Variants in CACNA1B observed in about 807,000 individuals in gnomAD.
The protein encoded by CACNA1B is voltage-dependent N-type calcium channel subunit alpha-1B.
In CACNA1B, 70 loss-of-function variants were observed where a neutral mutation model predicts 247.2. The ratio of observed to expected loss-of-function variants is 0.28; its 90% CI spans 0.23 to 0.35. CACNA1B has a LOEUF of 0.35. CACNA1B is among the 10% of genes least tolerant of loss of function. CACNA1B has a pLI of 1.00. For synonymous variants in CACNA1B, 1,231 were observed against 1,294.4 expected (o/e 0.95, Z 1.05); for missense variants, 2,367 against 3,197.4 (o/e 0.74, Z 6.26).
intron 36 of CACNA1B, among the ~76,000 whole-genome samples, chr9:138,087,215 G>T (rs1448499653): frequency 6.7e-6 from 1 of 149,304 alleles, no homozygotes; most frequent in Admixed American, 6.6e-5. Flanking sequence ...GTGAAACCCT[G>T]TCTCTACTTA....
At chr9:138,045,600 C>T (rs531109551) in intron 21 of CACNA1B, among the ~76,000 whole-genome samples, 4 of 152,246 alleles carry the variant, frequency 2.6e-5, no homozygotes, top group African/African-American at 4.8e-5. Context: ...GCTGGGGTCC[C>T]GCCTGCAGAC....
rs1302462743 is a variant in CACNA1B, at chr9:137,950,573, G to T, written c.967-1701G>T. On this transcript the variant is annotated intron_variant, in intron 6 of 46. Coordinates refer to ENST00000371372, the MANE Select transcript of CACNA1B (RefSeq NM_000718.4). The surrounding 1 kb of genome is among the most constrained non-coding windows in gnomAD (Gnocchi z 4.8). ...TGCTCCTCTGGGTCTTTGCTGGAAG[G>T]GAGGGATGGAGATGGAGCCAGCGTT... Among the ~76,000 whole-genome samples, 2 of 152,284 alleles carry T rather than the reference G, an allele frequency of 1.3e-5. No homozygotes were observed. Among genetic ancestry groups the T allele is most frequent in the African/African-American group, 4.8e-5 (2 of 41,556 alleles).
intron 18 of CACNA1B, among the ~76,000 whole-genome samples, chr9:138,022,661 G>A (rs1157142995): frequency 1.3e-5 from 2 of 152,096 alleles, no homozygotes; most frequent in Non-Finnish European, 2.9e-5. Flanking sequence ...TCCCTCCCGC[G>A]GTGGCCTTCC....
Position 138,054,963 on chromosome 9 carries a change from G to A in CACNA1B, c.3968+957G>A, listed in dbSNP as rs906247168. Among the ~76,000 whole-genome samples the A allele has an allele frequency of 3.9e-5, 6 of 152,106 alleles. No homozygotes were observed. The highest frequency in any genetic ancestry group is 8.8e-5 in the Non-Finnish European group (6 of 68,014). On this transcript the variant is annotated intron_variant, in intron 26 of 46. Coordinates refer to ENST00000371372, the MANE Select transcript of CACNA1B (RefSeq NM_000718.4). The surrounding 1 kb of genome is among the most constrained non-coding windows in gnomAD (Gnocchi z 4.6). ...TCTGGAAGTGTCTGCCTGTGGTCCT[G>A]TGTCTGCTGTCTGCCTCTTTCCTGT... is the stretch of plus-strand genomic sequence containing the variant.
intron 20 of CACNA1B, among the ~76,000 whole-genome samples, chr9:138,037,663 A>C (rs1329652039): frequency 1.3e-5 from 2 of 151,510 alleles, no homozygotes; most frequent in East Asian, 3.9e-4. Flanking sequence ...TGTCTCAAAA[A>C]AAACAAACAA....
chr9:138,000,371 T>A (rs532794213), intron 15 of CACNA1B, among the ~76,000 whole-genome samples: 1 of 152,216 alleles, frequency 6.6e-6, no homozygotes, highest in African/African-American at 2.4e-5. Context: ...GTGCTGGGAT[T>A]ACAGACATGA....
chr9:138,074,489 C>T (rs1268306975), intron 34 of CACNA1B, among the ~76,000 whole-genome samples: 3 of 152,222 alleles, frequency 2.0e-5, no homozygotes, highest in Non-Finnish European at 4.4e-5. Flanking sequence ...GATCCACCTG[C>T]CTTGGCCTCC....
chr9:138,005,382 T>C (rs1185909051), intron 15 of CACNA1B, among the ~76,000 whole-genome samples: 1 of 152,208 alleles, frequency 6.6e-6, no homozygotes, highest in Non-Finnish European at 1.5e-5. Context: ...AAACTTCACA[T>C]GTTCTCACTC....
At chr9:138,078,748 G>A (rs935885953) in intron 36 of CACNA1B, among the ~76,000 whole-genome samples, 2 of 152,222 alleles carry the variant, frequency 1.3e-5, no homozygotes, top group African/African-American at 2.4e-5. Context: ...GCTGCAGAGC[G>A]AGTGAGGAGA....
In CACNA1B at chr9:137,957,550, C is replaced by T. The variant is rs201338843; in HGVS notation, c.1244-48C>T. 1.4e-6 allele frequency: 2 copies of T among 1,444,860 alleles called. No individual in the cohort carries two copies. Among genetic ancestry groups the T allele is most frequent in the South Asian group, 1.3e-5 (1 of 76,770 alleles). The allele number at this position is 1,444,860 out of a possible 1,614,324, so 89.5% of individuals were successfully genotyped here. On this transcript the variant is annotated intron_variant, in intron 9 of 46. Coordinates refer to ENST00000371372, the MANE Select transcript of CACNA1B (RefSeq NM_000718.4). The surrounding 1 kb of genome is among the most constrained non-coding windows in gnomAD (Gnocchi z 4.7). Reference sequence around the variant, plus strand: ...CCCATGCCCCGCTGAGGCAGGTGGCCTGAGGGCTGCAGCTCAGGCAGTCTC... The same window carrying T: ...CCCATGCCCCGCTGAGGCAGGTGGCTTGAGGGCTGCAGCTCAGGCAGTCTC...
At chr9:137,884,863 C>T (rs1217919325) in intron 3 of CACNA1B, among the ~76,000 whole-genome samples, 1 of 149,926 alleles carries the variant, frequency 6.7e-6, no homozygotes, top group African/African-American at 2.5e-5. Context: ...AGGGCTGCTC[C>T]TCCTTCCCCT....
chr9:138,002,173 A>G (rs1958584894), intron 15 of CACNA1B, among the ~76,000 whole-genome samples: 1 of 152,240 alleles, frequency 6.6e-6, no homozygotes, highest in Non-Finnish European at 1.5e-5. Flanking sequence ...AAAATGAAAT[A>G]TCAAAAGAAC....
chr9:138,074,271 G>A (rs1290871192), intron 34 of CACNA1B, among the ~76,000 whole-genome samples: 2 of 149,792 alleles, frequency 1.3e-5, no homozygotes, highest in African/African-American at 4.9e-5. Context: ...GACAGAGTCT[G>A]GCTTTGTCAC....
Position 138,120,265 on chromosome 9 carries a change from C to G in CACNA1B, c.6131C>G (p.Pro2044Arg). The G allele has an allele frequency of 1.3e-6, 2 of 1,597,508 alleles. No individual in the cohort carries two copies. Among genetic ancestry groups the G allele is most frequent in the Non-Finnish European group, 1.7e-6 (2 of 1,173,604 alleles). ...AGCACCACCCCGGACCGCCCACCCC[C>G]TAGCCAGGCGTCGTCGCACCACCAC... Reference protein sequence around the residue: ...LCSTTPDRPPPSQASSHHHHH... With the variant: ...LCSTTPDRPPRSQASSHHHHH... Residue 2044 changes from proline (P) to arginine (R), a missense_variant, in exon 45 of 47, where the codon CCT becomes CGT. Pro to Arg is a moderately radical substitution (Grantham distance 103). Around this residue, in one of 12 missense-constraint regions of CACNA1B, gnomAD observed 773 missense variants for 779.4 expected, o/e 0.99. Coordinates refer to ENST00000371372, the MANE Select transcript of CACNA1B (RefSeq NM_000718.4).
At chr9:138,000,101 CTTTT>C (rs11317689) in intron 15 of CACNA1B, among the ~76,000 whole-genome samples, 1 of 137,802 alleles carries the variant, frequency 7.3e-6, no homozygotes. Context: ...ATGAAACATG[CTTTT>C]TTTTTTTTTT....
In CACNA1B at chr9:137,988,029, A is replaced by C. The variant is rs113070752; in HGVS notation, c.1974+1175A>C. 9.2e-3 allele frequency among the ~76,000 whole-genome samples: 1,395 copies of C among 152,290 alleles called. 8 individuals are homozygous for C. Among genetic ancestry groups the C allele is most frequent in the South Asian group, 0.012 (60 of 4,812 alleles). On this transcript the variant is annotated intron_variant, in intron 15 of 46. Transcript: ENST00000371372. Reference sequence around the variant, plus strand: ...ATTCCTCGAGTGGGAGGCACTTGTCAGCCTCCGACTGTCCTCCCTTTCTCT... The same window carrying C: ...ATTCCTCGAGTGGGAGGCACTTGTCCGCCTCCGACTGTCCTCCCTTTCTCT...
chr9:137,987,185 T>A (rs1958374309), intron 15 of CACNA1B, among the ~76,000 whole-genome samples: 1 of 152,220 alleles, frequency 6.6e-6, no homozygotes, highest in Non-Finnish European at 1.5e-5. Flanking sequence ...TTCTGTTTTT[T>A]ATTCTCCGAG....
At chr9:137,894,664 T>C (rs1957153032) in intron 3 of CACNA1B, among the ~76,000 whole-genome samples, 1 of 152,198 alleles carries the variant, frequency 6.6e-6, no homozygotes, top group South Asian at 2.1e-4. Flanking sequence ...CACCTCGGCC[T>C]CCCAAAGTGC....
At chr9:137,947,324 G>A (rs987576250) in intron 6 of CACNA1B, among the ~76,000 whole-genome samples, 9 of 152,170 alleles carry the variant, frequency 5.9e-5, no homozygotes, top group Non-Finnish European at 1.0e-4. Context: ...AAAGGGAGTA[G>A]CTGCTGTTCT....
Sources: allele counts gnomAD v4.1 joint callset (sites outside exome capture counted in the v4.1 genomes callset), GRCh38; gene constraint gnomAD v4.1.1; regional missense constraint gnomAD v4.1.1; non-coding constraint Gnocchi (gnomAD v3.1); transcripts MANE v1.5; gene names NCBI Gene and HGNC (gene_info 2026-07-23, HGNC 2026-07-21).